The following MTMR12 variants were observed in gnomAD, a reference collection of about 807,000 sequenced individuals.
The protein encoded by MTMR12 is myotubularin related protein 12.
In MTMR12, 33 loss-of-function variants were observed where a neutral mutation model predicts 96.7. The ratio of observed to expected loss-of-function variants is 0.34; its 90% CI spans 0.26 to 0.46. MTMR12 has a LOEUF of 0.46. MTMR12 is among the 20% of genes least tolerant of loss of function. The pLI is 1.00. For synonymous variants in MTMR12, 298 were observed against 327.2 expected, an observed-to-expected ratio of 0.91 and a Z score of 0.96; for missense variants, 721 against 896.1, an observed-to-expected ratio of 0.80 and a Z score of 2.49.
At chr5:32,250,662 G>T (rs754094724) in intron 8 of MTMR12, among the ~76,000 whole-genome samples, 1 of 152,190 alleles carries the variant, frequency 6.6e-6, no homozygotes, top group Non-Finnish European at 1.5e-5. Flanking sequence ...AAGAAACTAA[G>T]TGTTCTTAAC....
chr5:32,270,225 T>A (rs906368048), intron 5 of MTMR12, among the ~76,000 whole-genome samples: 1 of 151,588 alleles, frequency 6.6e-6, no homozygotes, highest in Non-Finnish European at 1.5e-5. Flanking sequence ...GAAAAAAAAA[T>A]CTTGGAAATT....
At position 32,233,304 on chromosome 5, in the gene MTMR12, T is replaced by G. The variant is rs1253610171; in HGVS notation, c.1674+469A>C. 2.6e-5 allele frequency among the ~76,000 whole-genome samples: 4 copies of G among 152,220 alleles called. No individual in the cohort carries two copies. Among genetic ancestry groups the G allele is most frequent in the East Asian group, 3.9e-4 (2 of 5,174 alleles). ...TTGTACTACAACAGTAGAGGGGTAGTTGTGACAGAGACTTTGCAGCCCTTG... is the reference window on the plus strand; with the variant it reads ...TTGTACTACAACAGTAGAGGGGTAGGTGTGACAGAGACTTTGCAGCCCTTG... On this transcript the variant is annotated intron_variant, in intron 15 of 15. Coordinates refer to ENST00000382142, the MANE Select transcript of MTMR12 (RefSeq NM_001040446.3). This position sits in a 1 kb window ranked among gnomAD's most constrained non-coding sequence, Gnocchi z 5.0.
At chr5:32,305,852 G>A (rs898448016) in intron 1 of MTMR12, among the ~76,000 whole-genome samples, 3 of 151,006 alleles carry the variant, frequency 2.0e-5, no homozygotes, top group East Asian at 3.9e-4. Flanking sequence ...GTGGTGAGCC[G>A]AGATTGCGCC....
chr5:32,266,191 T>C (rs1749584977), intron 6 of MTMR12, among the ~76,000 whole-genome samples: 1 of 152,244 alleles, frequency 6.6e-6, no homozygotes, highest in East Asian at 1.9e-4. Flanking sequence ...CTCTCCTATA[T>C]GACTTTACGT....
At chr5:32,230,612 A>G (rs930462984) in intron 15 of MTMR12, among the ~76,000 whole-genome samples, 1 of 152,196 alleles carries the variant, frequency 6.6e-6, no homozygotes, top group Non-Finnish European at 1.5e-5. Flanking sequence ...GGACACAGAG[A>G]AAGGAGCTTT....
Position 32,233,653 on chromosome 5 carries a change from A to T in MTMR12, c.1674+120T>A. 7.2e-7 allele frequency: 1 copy of T among 1,389,866 alleles called. No homozygotes were observed. The highest frequency in any genetic ancestry group is 1.0e-6 in the Non-Finnish European group (1 of 1,002,474). 86.1% of individuals were successfully genotyped at this position (1,389,866 alleles called of 1,614,324 possible). A position where few individuals can be genotyped will look rare whatever the true frequency, so the allele number is the denominator to read the frequency against. ...GACAATTTGACCATCACAAGTCTCA[A>T]CTCTGCAGACTGCTTCGAGGGGTAG... On this transcript the variant is annotated intron_variant, in intron 15 of 15. Transcript: ENST00000382142. The surrounding 1 kb of genome is among the most constrained non-coding windows in gnomAD (Gnocchi z 5.0).
At chr5:32,296,494 GA>G (rs776571044) in intron 1 of MTMR12, 290 of 352,264 alleles carry the variant, frequency 8.2e-4, no homozygotes, top group South Asian at 1.0e-3. Flanking sequence ...AAAGAAACGA[GA>G]AAAAAAAAGG....
intron 1 of MTMR12, among the ~76,000 whole-genome samples, chr5:32,290,529 C>A (rs1750701465): frequency 6.6e-6 from 1 of 152,200 alleles, no homozygotes; most frequent in African/African-American, 2.4e-5. Flanking sequence ...GAAAGAGGCA[C>A]AATGCCTAGT....
chr5:32,256,805 G>A (rs1160023116), intron 7 of MTMR12, among the ~76,000 whole-genome samples: 1 of 152,184 alleles, frequency 6.6e-6, no homozygotes, highest in Non-Finnish European at 1.5e-5. Context: ...ATATCACCAT[G>A]GGGATGTGAT....
At chr5:32,285,192 T>A (rs986961823) in intron 1 of MTMR12, among the ~76,000 whole-genome samples, 1 of 152,024 alleles carries the variant, frequency 6.6e-6, no homozygotes, top group African/African-American at 2.4e-5. Context: ...ACCCCGTCTC[T>A]ACTAAAAATA....
At chr5:32,296,868 C>G (rs1750947720) in intron 1 of MTMR12, among the ~76,000 whole-genome samples, 1 of 150,246 alleles carries the variant, frequency 6.7e-6, no homozygotes, top group African/African-American at 2.4e-5. Context: ...TTTGGGAGGC[C>G]AAGGTGGGCG....
intron 2 of MTMR12, among the ~76,000 whole-genome samples, chr5:32,275,027 ATG>A (rs1244592580): frequency 1.3e-5 from 2 of 152,146 alleles, no homozygotes; most frequent in African/African-American, 4.8e-5. Context: ...TTTTCTTCTC[ATG>A]CAACAGATAA....
rs1748790789 is a variant in MTMR12 at position 32,248,648 on chromosome 5, A to G, written c.896+124T>C. On this transcript the variant is annotated intron_variant, in intron 9 of 15. Transcript: ENST00000382142. ...AATTAACTCAAAATGATCACTGTTA[A>G]GTTGTATTCCCCTAGCATTAAGCTA... is the stretch of plus-strand genomic sequence containing the variant. 7 of 700,646 alleles carry G rather than the reference A, an allele frequency of 1.0e-5. 1 individual carries two copies. The Middle Eastern group carries it at 1.9e-3, about 194-fold the overall frequency. 43.4% of individuals were successfully genotyped at this position (700,646 alleles called of 1,614,324 possible).
chr5:32,302,064 C>T (rs1021747183), intron 1 of MTMR12, among the ~76,000 whole-genome samples: 5 of 152,148 alleles, frequency 3.3e-5, no homozygotes, highest in African/African-American at 1.2e-4. Flanking sequence ...GCTTCCCTTG[C>T]CCCCACTTAT....
chr5:32,231,689 C>G (rs925498356), intron 15 of MTMR12, among the ~76,000 whole-genome samples: 28 of 152,162 alleles, frequency 1.8e-4, no homozygotes, highest in Non-Finnish European at 3.4e-4. Flanking sequence ...AAACCATCCA[C>G]AAGACCACAG....
At chr5:32,273,927 A>T in intron 3 of MTMR12, 53 bp downstream of exon 3, 1 of 1,605,982 alleles carries the variant, frequency 6.2e-7, no homozygotes, top group Non-Finnish European at 8.5e-7. Flanking sequence ...AAGACAACGG[A>T]ACCACAACCA....
chr5:32,274,896 A>G lies in MTMR12; in HGVS notation c.143-774T>C, dbSNP rs369055101. On this transcript the variant is annotated intron_variant, in intron 2 of 15. Transcript: ENST00000382142. ...AAAGATGAGGATTAGGGAATAGGTC[A>G]GTATTCTCTGCCATCTGGAAGCAGA... Among the ~76,000 whole-genome samples, 41 of 152,296 alleles carry G rather than the reference A, an allele frequency of 2.7e-4. No homozygotes were observed. In the South Asian group the frequency reaches 8.1e-3, roughly 30 times the overall value.
chr5:32,276,768 T>A (rs1334112396), intron 1 of MTMR12, 26 bp from the exon 2 acceptor site: 1 of 1,598,218 alleles, frequency 6.3e-7, no homozygotes, highest in South Asian at 1.1e-5. Flanking sequence ...AAAGGATATT[T>A]TTCTTTGTTT....
intron 8 of MTMR12, 22 bp from the exon 9 acceptor site, chr5:32,248,900 T>G: frequency 6.4e-7 from 1 of 1,574,634 alleles, no homozygotes; most frequent in Non-Finnish European, 8.7e-7. Flanking sequence ...AATAAAGCTT[T>G]ACCAGATACA....
Sources: allele counts gnomAD v4.1 joint callset (sites outside exome capture counted in the v4.1 genomes callset), GRCh38; gene constraint gnomAD v4.1.1; non-coding constraint Gnocchi (gnomAD v3.1); transcripts MANE v1.5; gene names NCBI Gene and HGNC (gene_info 2026-07-23, HGNC 2026-07-21).